Variants in KLHL13 observed in about 807,000 individuals in gnomAD.
KLHL13 encodes the protein kelch like family member 13.
Under a neutral mutation model 37.1 loss-of-function variants are expected in KLHL13, and 10 were observed. The ratio of observed to expected loss-of-function variants is 0.27; its 90% CI spans 0.17 to 0.46. The LOEUF (loss-of-function observed/expected upper bound fraction) is 0.46, where lower values mean the gene tolerates loss of function less well. KLHL13 is among the 20% of genes least tolerant of loss of function. The probability of loss-of-function intolerance (pLI) is 1.00; values close to 1 mark genes in which losing one functional copy is unlikely to be tolerated. For missense variants in KLHL13, 360 were observed against 509.3 expected (o/e 0.71, Z 2.82); for synonymous variants, 163 against 181.2 (o/e 0.90, Z 0.81).
intron 2 of KLHL13, among the ~76,000 whole-genome samples, chrX:117,940,009 C>T (rs759126656): frequency 1.8e-5 from 2 of 111,955 alleles, no homozygotes; most frequent in African/African-American, 3.3e-5. Context: ...GTCATCAACT[C>T]TTTGCCGATG....
chrX:117,937,620 T>C (rs1349137789), intron 2 of KLHL13, among the ~76,000 whole-genome samples: 1 of 112,067 alleles, frequency 8.9e-6, no homozygotes, highest in African/African-American at 3.2e-5. Context: ...GCTTCCCTAG[T>C]GTTTCCATAC....
chrX:117,980,623 A>G (rs2053649930), intron 1 of KLHL13, among the ~76,000 whole-genome samples: 1 of 111,721 alleles, frequency 9.0e-6, no homozygotes, highest in Non-Finnish European at 1.9e-5. Context: ...TTTCACAGAA[A>G]GCTAATCCTA....
chrX:118,031,999 G>A (rs974204346), intron 1 of KLHL13, among the ~76,000 whole-genome samples: 13 of 110,766 alleles, frequency 1.2e-4, no homozygotes, highest in Admixed American at 5.8e-4. Context: ...CTAGAAAATC[G>A]CATCACTCCC....
intron 1 of KLHL13, among the ~76,000 whole-genome samples, chrX:118,005,768 C>T (rs899608122): frequency 1.8e-5 from 2 of 111,874 alleles, no homozygotes; most frequent in African/African-American, 6.5e-5. Flanking sequence ...AGGCCAATGA[C>T]CGGCAGAACT....
intron 4 of KLHL13, among the ~76,000 whole-genome samples, chrX:117,910,615 T>C (rs1930920073): frequency 8.9e-6 from 1 of 111,898 alleles, no homozygotes; most frequent in Non-Finnish European, 1.9e-5. Flanking sequence ...ATTACTATCA[T>C]TCATTTTGGT....
chrX:118,106,742 A>G (rs893046125), intron 1 of KLHL13, among the ~76,000 whole-genome samples: 8 of 112,006 alleles, frequency 7.1e-5, no homozygotes, highest in Middle Eastern at 4.7e-3. Context: ...ATCATGTAAG[A>G]AAGTAGGAAA....
At chrX:117,917,760 T>C (rs1931458016) in intron 4 of KLHL13, among the ~76,000 whole-genome samples, 1 of 112,074 alleles carries the variant, frequency 8.9e-6, no homozygotes, top group Non-Finnish European at 1.9e-5. Flanking sequence ...CATTAGAGGA[T>C]AGGCCAACAA....
rs1932345542 is a variant in KLHL13, at chrX:117,930,242, G to GGAAGGA, written c.241-9873_241-9872insTCCTTC. ...GAAGGAAGGAAGGAAGGAAGGAAGG[G>GGAAGGA]AGGAAGGAAGGAAGGAAGGAAGGAA... On this transcript the variant is annotated intron_variant, in intron 2 of 6. Coordinates refer to ENST00000262820, the Ensembl canonical transcript of KLHL13. 7.3e-4 allele frequency among the ~76,000 whole-genome samples: 46 copies of GGAAGGA among 62,990 alleles called. 1 individual carries two copies. The highest frequency in any genetic ancestry group is 3.6e-3 in the African/African-American group (46 of 12,736). The allele number at this position is 62,990 out of a possible 115,157, so 54.7% of individuals were successfully genotyped here.
Position 117,903,179 on chromosome X carries a change from C to CGAGAGAGAGAGA in KLHL13, c.1367-1245_1367-1234dup, listed in dbSNP as rs56692141. Among the ~76,000 whole-genome samples the CGAGAGAGAGAGA allele has an allele frequency of 5.2e-3, 484 of 92,209 alleles. 8 individuals are homozygous for CGAGAGAGAGAGA. The highest frequency in any genetic ancestry group is 0.018 in the African/African-American group (440 of 23,902). 80.1% of individuals were successfully genotyped at this position (92,209 alleles called of 115,157 possible). ...ACACAGAGAGAGAGAGAGAGGAGAGCGAGAGAGAGAGAGAGAGAGAGAGAG... is the reference window on the plus strand; with the variant it reads ...ACACAGAGAGAGAGAGAGAGGAGAGCGAGAGAGAGAGAGAGAGAGAGAGAGAGAGAGAGAGAG... On this transcript the variant is annotated intron_variant, in intron 5 of 6. Coordinates refer to ENST00000262820, the Ensembl canonical transcript of KLHL13.
intron 1 of KLHL13, among the ~76,000 whole-genome samples, chrX:118,036,299 C>T (rs1166034060): frequency 1.8e-5 from 2 of 111,959 alleles, no homozygotes; most frequent in Non-Finnish European, 3.8e-5. Flanking sequence ...AATCCCAAGC[C>T]AAAAGAACAA....
chrX:117,917,024 T>C (rs1377966956), intron 4 of KLHL13, among the ~76,000 whole-genome samples: 3 of 111,325 alleles, frequency 2.7e-5, no homozygotes, highest in African/African-American at 9.8e-5. Flanking sequence ...CCTTTTTCAC[T>C]TGATTGCTGA....
chrX:118,021,586 T>C (rs2054214166), intron 1 of KLHL13, among the ~76,000 whole-genome samples: 1 of 110,905 alleles, frequency 9.0e-6, no homozygotes. Flanking sequence ...TTTTTATGGC[T>C]GCATAGTATT....
At chrX:118,020,538 T>C (rs1207388039) in intron 1 of KLHL13, among the ~76,000 whole-genome samples, 1 of 110,928 alleles carries the variant, frequency 9.0e-6, no homozygotes, top group African/African-American at 3.3e-5. Context: ...TTTTACACTG[T>C]TGGTGGGACT....
intron 1 of KLHL13, among the ~76,000 whole-genome samples, chrX:117,968,774 TTC>T (rs1389559456): frequency 8.9e-6 from 1 of 111,827 alleles, no homozygotes; most frequent in African/African-American, 3.2e-5. Flanking sequence ...CCACAAAGTT[TTC>T]TTTTATTTAC....
rs113806811 is a variant in KLHL13, at chrX:118,109,063, G to A, written c.-56+7445C>T. 1.2e-3 allele frequency among the ~76,000 whole-genome samples: 135 copies of A among 111,967 alleles called. 1 individual carries two copies. Among genetic ancestry groups the A allele is most frequent in the African/African-American group, 4.2e-3 (130 of 30,902 alleles). On this transcript the variant is annotated intron_variant, in intron 1 of 6. Transcript: ENST00000371882. ...ACTCCTGGGCTCAAGCAATGCTCCC[G>A]CCTAGGCGTCCCAAAGTGTTGGGAT...
intron 1 of KLHL13, among the ~76,000 whole-genome samples, chrX:117,960,570 T>C (rs1000013080): frequency 1.8e-5 from 2 of 112,490 alleles, no homozygotes; most frequent in South Asian, 7.4e-4. Context: ...ATGCCACTGC[T>C]AGCTAATTCA....
intron 1 of KLHL13, among the ~76,000 whole-genome samples, chrX:118,078,775 T>C (rs2054956416): frequency 9.0e-6 from 1 of 111,671 alleles, no homozygotes; most frequent in Non-Finnish European, 1.9e-5. Context: ...CTATGGTAAA[T>C]ACCTTTGAAT....
intron 1 of KLHL13, among the ~76,000 whole-genome samples, chrX:117,962,724 T>C (rs2053324847): frequency 8.9e-6 from 1 of 112,088 alleles, no homozygotes; most frequent in African/African-American, 3.2e-5. Context: ...TATTATATAA[T>C]TAATAGATGG....
At chrX:117,997,576 G>T (rs777006995) in intron 1 of KLHL13, among the ~76,000 whole-genome samples, 3 of 112,155 alleles carry the variant, frequency 2.7e-5, no homozygotes, top group Non-Finnish European at 5.6e-5. Flanking sequence ...TGAATGTAAA[G>T]ATTCAATATG....
Sources: allele counts gnomAD v4.1 joint callset (sites outside exome capture counted in the v4.1 genomes callset), GRCh38; gene constraint gnomAD v4.1.1; transcripts MANE v1.5; gene names NCBI Gene and HGNC (gene_info 2026-07-23, HGNC 2026-07-21).